Variants in COMMD10 observed in about 807,000 individuals in gnomAD.
The protein encoded by COMMD10 is COMM domain containing 10.
Under a neutral mutation model 28.9 loss-of-function variants are expected in COMMD10, and 33 were observed. The observed-to-expected ratio is 1.14, with a 90% CI of 0.87 to 1.53. The LOEUF (loss-of-function observed/expected upper bound fraction) is 1.53. Ranked by LOEUF, COMMD10 falls within the 40% of genes most tolerant of loss-of-function variation. The pLI is 0.00. For synonymous variants in COMMD10, 110 were observed against 81.7 expected (o/e 1.35, Z -1.87); for missense variants, 310 against 233.4 (o/e 1.33, Z -2.14).
Position 116,273,037 on chromosome 5 carries a change from C to A in COMMD10, c.511-18480C>A, listed in dbSNP as rs116141936. Among the ~76,000 whole-genome samples the A allele has an allele frequency of 3.7e-4, 56 of 151,768 alleles. 1 individual carries two copies. Among genetic ancestry groups the A allele is most frequent in the African/African-American group, 1.4e-3 (56 of 41,152 alleles). ...TCTCCATCAAGTCTTTATAAAACAT[C>A]AATGATTTCACCACATTTCACCCAC... On this transcript the variant is annotated intron_variant, in intron 5 of 6. Transcript: ENST00000274458.
chr5:116,180,810 TATC>T (rs958540398), intron 5 of COMMD10, among the ~76,000 whole-genome samples: 1 of 152,136 alleles, frequency 6.6e-6, no homozygotes, highest in African/African-American at 2.4e-5. Flanking sequence ...TTTTAATTCT[TATC>T]ATTTTAATGA....
chr5:116,173,670 T>C (rs1478212548), intron 5 of COMMD10, among the ~76,000 whole-genome samples: 1 of 152,152 alleles, frequency 6.6e-6, no homozygotes, highest in Non-Finnish European at 1.5e-5. Flanking sequence ...GTCTGTTCTA[T>C]GTCTTCAGTA....
chr5:116,195,807 C>G (rs1006967434), intron 5 of COMMD10, among the ~76,000 whole-genome samples: 2 of 151,964 alleles, frequency 1.3e-5, no homozygotes, highest in African/African-American at 4.8e-5. Flanking sequence ...GAAAATATAA[C>G]AAATGGCCAA....
intron 5 of COMMD10, among the ~76,000 whole-genome samples, chr5:116,258,862 A>G (rs1298061655): frequency 6.6e-6 from 1 of 151,490 alleles, no homozygotes; most frequent in Non-Finnish European, 1.5e-5. Context: ...ACCTTTAGCT[A>G]AGGGAAATTT....
rs570708395 is a variant in COMMD10 at position 116,263,667 on chromosome 5, C to G, written c.511-27850C>G. On this transcript the variant is annotated intron_variant, in intron 5 of 6. Transcript: ENST00000274458. ...AATCGTTTTTCTTAACTTGAACATT[C>G]CTTTCCATTGATCCCAGGTCTTGAG... Among the ~76,000 whole-genome samples, 4 of 151,710 alleles carry G rather than the reference C, an allele frequency of 2.6e-5. 1 individual carries two copies. Among genetic ancestry groups the G allele is most frequent in the African/African-American group, 4.9e-5 (2 of 41,100 alleles).
At chr5:116,262,027 T>G (rs1318298805) in intron 5 of COMMD10, among the ~76,000 whole-genome samples, 2 of 151,722 alleles carry the variant, frequency 1.3e-5, no homozygotes, top group African/African-American at 2.4e-5. Flanking sequence ...TTTTCCACTT[T>G]CAGATAAAGA....
chr5:116,209,602 G>T lies in COMMD10; in HGVS notation c.510+75424G>T, dbSNP rs182726888. ...ACTACTGAACTGAACCCATGCTTCT[G>T]CCTAGTTAAATGGTCTCAAAACACT... On this transcript the variant is annotated intron_variant, in intron 5 of 6. Transcript: ENST00000274458. Among the ~76,000 whole-genome samples, 859 of 152,144 alleles carry T rather than the reference G, an allele frequency of 5.6e-3. 10 individuals carry two copies. The highest frequency in any genetic ancestry group is 0.02 in the African/African-American group (818 of 41,494).
intron 5 of COMMD10, among the ~76,000 whole-genome samples, chr5:116,197,477 G>C (rs1443372580): frequency 6.6e-6 from 1 of 151,996 alleles, no homozygotes. Flanking sequence ...TACCTCCTGG[G>C]CTCAAGTGAT....
intron 5 of COMMD10, among the ~76,000 whole-genome samples, chr5:116,139,641 A>G (rs2112779579): frequency 6.6e-6 from 1 of 151,692 alleles, no homozygotes; most frequent in East Asian, 1.9e-4. Flanking sequence ...ATTAGAATAA[A>G]TCACACTAAA....
At chr5:116,230,853 C>T (rs866163591) in intron 5 of COMMD10, among the ~76,000 whole-genome samples, 4 of 151,880 alleles carry the variant, frequency 2.6e-5, no homozygotes, top group South Asian at 4.2e-4. Flanking sequence ...ATAAATAATA[C>T]GTGTGTGTGT....
rs1219615706 is a variant in COMMD10 at position 116,110,880 on chromosome 5, G to A, written c.399+18180G>A. Among the ~76,000 whole-genome samples, 3 of 145,150 alleles carry A rather than the reference G, an allele frequency of 2.1e-5. No homozygotes were observed. In the East Asian group the frequency reaches 5.8e-4, roughly 28 times the overall value. Reference sequence around the variant, plus strand: ...TATTGTGAGGACAATACCAAGAGGGGTGGTGCTAAATCATTCCTGAGAAAC... The same window carrying A: ...TATTGTGAGGACAATACCAAGAGGGATGGTGCTAAATCATTCCTGAGAAAC... On this transcript the variant is annotated intron_variant, in intron 4 of 6. Coordinates refer to ENST00000274458, the MANE Select transcript of COMMD10 (RefSeq NM_016144.4).
rs192545206 is a variant in COMMD10, at chr5:116,274,636, T to G, written c.511-16881T>G. Among the ~76,000 whole-genome samples the G allele has an allele frequency of 3.9e-5, 6 of 151,960 alleles. No homozygotes were observed. The East Asian group carries it at 1.2e-3, about 29-fold the overall frequency. ...CCAATATCAGTAACATTCTCATCAT[T>G]GAATTAAAATGAACACTTACCAGTC... On this transcript the variant is annotated intron_variant, in intron 5 of 6. Coordinates refer to ENST00000274458, the MANE Select transcript of COMMD10 (RefSeq NM_016144.4).
chr5:116,087,825 G>C (rs576754877), intron 2 of COMMD10, among the ~76,000 whole-genome samples: 1 of 152,132 alleles, frequency 6.6e-6, no homozygotes, highest in South Asian at 2.1e-4. Flanking sequence ...AGTGTTTGTG[G>C]TATGTATTCG....
At chr5:116,096,331 C>A (rs1333850383) in intron 4 of COMMD10, among the ~76,000 whole-genome samples, 1 of 148,286 alleles carries the variant, frequency 6.7e-6, no homozygotes, top group Non-Finnish European at 1.5e-5. Context: ...AGTACTTTTT[C>A]TTTCTTTTTT....
intron 5 of COMMD10, among the ~76,000 whole-genome samples, chr5:116,141,866 G>A (rs958976914): frequency 2.6e-5 from 4 of 151,672 alleles, no homozygotes; most frequent in African/African-American, 4.8e-5. Context: ...TTTTTGTGGC[G>A]TTTTAAGGGT....
chr5:116,122,738 A>T (rs1462994071), intron 4 of COMMD10, among the ~76,000 whole-genome samples: 4 of 152,078 alleles, frequency 2.6e-5, no homozygotes, highest in Admixed American at 2.0e-4. Context: ...ATTCTCTTTG[A>T]AGCAATTGTG....
In COMMD10 at chr5:116,234,837, G is replaced by A. The variant is rs73259067; in HGVS notation, c.511-56680G>A. Reference sequence around the variant, plus strand: ...AAGAGATCCCTTAAAGTATAATGGTGGCGGAGCACAGGGAAGAGCTCACAT... The same window carrying A: ...AAGAGATCCCTTAAAGTATAATGGTAGCGGAGCACAGGGAAGAGCTCACAT... On this transcript the variant is annotated intron_variant, in intron 5 of 6. Coordinates refer to ENST00000274458, the MANE Select transcript of COMMD10 (RefSeq NM_016144.4). Among the ~76,000 whole-genome samples the A allele has an allele frequency of 8.2e-3, 1,243 of 152,292 alleles. 23 individuals are homozygous for A. Among genetic ancestry groups the A allele is most frequent in the African/African-American group, 0.028 (1,156 of 41,544 alleles).
At chr5:116,109,862 T>C (rs1308956792) in intron 4 of COMMD10, among the ~76,000 whole-genome samples, 3 of 152,208 alleles carry the variant, frequency 2.0e-5, no homozygotes, top group Non-Finnish European at 4.4e-5. Context: ...TTTAGAAGCC[T>C]TTTATCTCTT....
At position 116,192,284 on chromosome 5, in the gene COMMD10, C is replaced by G. The variant is rs368224528; in HGVS notation, c.510+58106C>G. Among the ~76,000 whole-genome samples, 4 of 140,578 alleles carry G rather than the reference C, an allele frequency of 2.8e-5. No homozygotes were observed. In the South Asian group the frequency reaches 7.7e-4, roughly 27 times the overall value. The allele number at this position is 140,578 out of a possible 152,430, so 92.2% of individuals were successfully genotyped here. A position where few individuals can be genotyped will look rare whatever the true frequency, so the allele number is the denominator to read the frequency against. On this transcript the variant is annotated intron_variant, in intron 5 of 6. Coordinates refer to ENST00000274458, the MANE Select transcript of COMMD10 (RefSeq NM_016144.4). Reference sequence around the variant, plus strand: ...ACAACCCCCCCCCCCAAAAATAACACTAGTTCACAAGCAGTGGATCCAAAC... The same window carrying G: ...ACAACCCCCCCCCCCAAAAATAACAGTAGTTCACAAGCAGTGGATCCAAAC...
Sources: gnomAD v4.1 joint callset for allele counts (sites outside exome capture counted in the v4.1 genomes callset) on GRCh38, gnomAD v4.1.1 for gene constraint, MANE v1.5 for transcripts, NCBI Gene and HGNC (gene_info 2026-07-23, HGNC 2026-07-21) for gene names.